The following CMC1 variants were observed in gnomAD, a reference collection of about 807,000 sequenced individuals.
CMC1 encodes C-X9-C motif containing 1, also known as COX assembly mitochondrial protein homolog.
In CMC1, 14 loss-of-function variants were observed where a neutral mutation model predicts 14.1. That is an observed-to-expected ratio of 0.99 (90% CI 0.66 to 1.55). The LOEUF (loss-of-function observed/expected upper bound fraction) is 1.55, where lower values mean the gene tolerates loss of function less well. Among genes scored for constraint, CMC1 ranks in the 40% most tolerant of loss-of-function variants. CMC1 has a pLI of 0.00. For missense variants in CMC1, 127 were observed against 123.8 expected, an observed-to-expected ratio of 1.03 and a Z score of -0.12; for synonymous variants, 50 against 38.4, an observed-to-expected ratio of 1.30 and a Z score of -1.12.
intron 2 of CMC1, among the ~76,000 whole-genome samples, chr3:28,271,876 A>G (rs1447640561): frequency 6.6e-6 from 1 of 152,098 alleles, no homozygotes; most frequent in African/African-American, 2.4e-5. Context: ...ATGTTTTTCC[A>G]TTTGTATCGT....
At position 28,270,826 on chromosome 3, in the gene CMC1, C is replaced by T. The variant is rs531690056; in HGVS notation, c.109+7446C>T. ...GCATTTTCGTCATGAAATTCTTGCC[C>T]GTGCCTATGTCCTGAATGGTATTGC... On this transcript the variant is annotated intron_variant, in intron 2 of 3. Coordinates refer to ENST00000466830, the MANE Select transcript of CMC1 (RefSeq NM_182523.2). 7.9e-5 allele frequency among the ~76,000 whole-genome samples: 12 copies of T among 151,822 alleles called. No individual in the cohort carries two copies. In the East Asian group the frequency reaches 1.2e-3, roughly 15 times the overall value.
At chr3:28,302,884 T>C (rs60812941) in intron 2 of CMC1, among the ~76,000 whole-genome samples, 8,213 of 152,234 alleles carry the variant, frequency 0.054, 698 homozygotes, top group African/African-American at 0.18. Context: ...CTCTATTGCG[T>C]GGGCATGGAA....
At chr3:28,253,121 G>A (rs1453864700) in intron 1 of CMC1, among the ~76,000 whole-genome samples, 2 of 152,210 alleles carry the variant, frequency 1.3e-5, no homozygotes, top group Non-Finnish European at 2.9e-5. Flanking sequence ...ATCTGGTCAT[G>A]AGCATACATA....
At chr3:28,279,408 C>A (rs916871380) in intron 2 of CMC1, among the ~76,000 whole-genome samples, 1 of 152,156 alleles carries the variant, frequency 6.6e-6, no homozygotes. Flanking sequence ...TTACTCACAA[C>A]ATTTGCAGTA....
Position 28,323,634 on chromosome 3 carries a change from C to T in CMC1, c.*4005C>T, listed in dbSNP as rs904960202. 1 of 154,896 alleles carries T rather than the reference C, an allele frequency of 6.5e-6. No homozygotes were observed. Among genetic ancestry groups the T allele is most frequent in the African/African-American group, 2.4e-5 (1 of 41,344 alleles). The allele number at this position is 154,896 out of a possible 1,614,324, so 9.6% of individuals were successfully genotyped here. On this transcript the variant is annotated 3_prime_UTR_variant, in exon 4 of 4. Transcript: ENST00000466830. ...AACCTACTCACATTGCCATTTGTTC[C>T]ATTATGCAATTTGAAGAAACATGTT...
At chr3:28,263,210 T>G in intron 1 of CMC1, 81 bp from the exon 2 acceptor site, 1 of 973,042 alleles carries the variant, frequency 1.0e-6, no homozygotes, top group South Asian at 1.5e-5. Flanking sequence ...GCTTTTATTT[T>G]AAGTAAACCA....
intron 1 of CMC1, among the ~76,000 whole-genome samples, chr3:28,262,029 C>G (rs764738903): frequency 7.2e-5 from 11 of 152,156 alleles, no homozygotes; most frequent in Non-Finnish European, 1.5e-4. Flanking sequence ...TCCTATATAT[C>G]TGAATGTCCT....
At chr3:28,263,835 G>A (rs1265192302) in intron 2 of CMC1, among the ~76,000 whole-genome samples, 1 of 152,074 alleles carries the variant, frequency 6.6e-6, no homozygotes, top group Non-Finnish European at 1.5e-5. Flanking sequence ...AGGACTTACA[G>A]TGAGTCTGGG....
intron 2 of CMC1, 62 bp from the exon 3 acceptor site, chr3:28,316,271 T>G (rs1702909877): frequency 2.4e-5 from 18 of 750,876 alleles, no homozygotes; most frequent in African/African-American, 3.6e-5. Flanking sequence ...AAGAAAATTG[T>G]GTGTGTGGGT....
At chr3:28,283,490 G>A (rs1333320387) in intron 2 of CMC1, among the ~76,000 whole-genome samples, 1 of 147,584 alleles carries the variant, frequency 6.8e-6, no homozygotes, top group South Asian at 2.1e-4. Context: ...TTGCATTCCA[G>A]CTTGAGCAAC....
chr3:28,262,724 G>A (rs1699795960), intron 1 of CMC1, among the ~76,000 whole-genome samples: 1 of 152,124 alleles, frequency 6.6e-6, no homozygotes, highest in South Asian at 2.1e-4. Context: ...CATTTAAGGA[G>A]CAGGTGGGAC....
rs1703156393 is a variant in CMC1 at position 28,320,612 on chromosome 3, C to T, written c.*983C>T. The T allele has an allele frequency of 6.6e-6, 1 of 151,428 alleles. No homozygotes were observed. The highest frequency in any genetic ancestry group is 2.1e-4 in the South Asian group (1 of 4,826). The allele number at this position is 151,428 out of a possible 1,614,324, so 9.4% of individuals were successfully genotyped here. A position where few individuals can be genotyped will look rare whatever the true frequency, so the allele number is the denominator to read the frequency against. ...AGAACCATAGATAAGGAGATACCTA[C>T]TTATATGAATTAATTTTACTTACAT... On this transcript the variant is annotated 3_prime_UTR_variant, in exon 4 of 4. Transcript: ENST00000466830.
At chr3:28,269,888 C>T (rs1018411040) in intron 2 of CMC1, among the ~76,000 whole-genome samples, 17 of 152,140 alleles carry the variant, frequency 1.1e-4, no homozygotes, top group African/African-American at 4.1e-4. Context: ...GTATTAAGCC[C>T]AGCATGCATT....
At position 28,319,921 on chromosome 3, in the gene CMC1, T is replaced by C. The variant is rs182348047; in HGVS notation, c.*292T>C. On this transcript the variant is annotated 3_prime_UTR_variant, in exon 4 of 4. Transcript: ENST00000466830. Reference sequence around the variant, plus strand: ...AGAGTTCAATATGGTCCTTATATTATTTTTTTCCAGTGTATATGCTAATGG... The same window carrying C: ...AGAGTTCAATATGGTCCTTATATTACTTTTTTCCAGTGTATATGCTAATGG... 2.6e-5 allele frequency: 5 copies of C among 190,572 alleles called. No individual in the cohort carries two copies. The East Asian group carries it at 5.5e-4, about 21-fold the overall frequency. The allele number at this position is 190,572 out of a possible 1,614,324, so 11.8% of individuals were successfully genotyped here.
intron 1 of CMC1, among the ~76,000 whole-genome samples, chr3:28,256,831 TA>T (rs1699437938): frequency 6.6e-6 from 1 of 152,122 alleles, no homozygotes; most frequent in African/African-American, 2.4e-5. Context: ...CAGCAAGAAT[TA>T]AAAAAGAGGA....
chr3:28,255,759 CAG>C (rs1316144656), intron 1 of CMC1, among the ~76,000 whole-genome samples: 1 of 114,490 alleles, frequency 8.7e-6, no homozygotes, highest in Non-Finnish European at 1.9e-5. Flanking sequence ...ACACACGCGA[CAG>C]AGATGATATG....
chr3:28,300,403 A>G (rs769788033), intron 2 of CMC1, among the ~76,000 whole-genome samples: 31 of 152,284 alleles, frequency 2.0e-4, no homozygotes, highest in Middle Eastern at 3.4e-3. Flanking sequence ...TGCGATGAAC[A>G]GGGAATTCTC....
rs1488639345 is a variant in CMC1 at position 28,323,014 on chromosome 3, T to C, written c.*3385T>C. On this transcript the variant is annotated 3_prime_UTR_variant, in exon 4 of 4. Transcript: ENST00000466830. ...TCTTTATTTCCAAATAATTGGCCAC[T>C]TAGAATAAGTGTGGACATTTCATGA... 7.1e-6 allele frequency: 1 copy of C among 141,666 alleles called. No homozygotes were observed. The highest frequency in any genetic ancestry group is 1.6e-5 in the Non-Finnish European group (1 of 61,204). The allele number at this position is 141,666 out of a possible 1,614,324, so 8.8% of individuals were successfully genotyped here.
intron 2 of CMC1, among the ~76,000 whole-genome samples, chr3:28,275,834 G>A (rs1450856929): frequency 6.6e-6 from 1 of 152,174 alleles, no homozygotes; most frequent in African/African-American, 2.4e-5. Context: ...TTCCCACTGG[G>A]AGGCCCTGCC....
Sources: gnomAD v4.1 joint callset for allele counts (sites outside exome capture counted in the v4.1 genomes callset) on GRCh38, gnomAD v4.1.1 for gene constraint, MANE v1.5 for transcripts, NCBI Gene and HGNC (gene_info 2026-07-23, HGNC 2026-07-21) for gene names.